DMD: variants seen among roughly 807,000 people sequenced by gnomAD.
DMD encodes the protein mutant dystrophin.
A neutral mutation model predicts 330.1 loss-of-function variants in DMD; 63 were observed. That is an observed-to-expected ratio of 0.19 (90% CI 0.16 to 0.24). DMD has a LOEUF of 0.24. Ranked by LOEUF, DMD falls within the 10% of genes least tolerant of loss-of-function variation. DMD has a pLI of 1.00. For synonymous variants in DMD, 1,223 were observed against 959.8 expected, an observed-to-expected ratio of 1.27 and a Z score of -5.07; for missense variants, 3,344 against 2,684.1, an observed-to-expected ratio of 1.25 and a Z score of -5.43.
At chrX:32,075,949 G>A in intron 44 of DMD, among the ~76,000 whole-genome samples, 1 of 101,432 alleles carries the variant, frequency 9.9e-6, no homozygotes, top group African/African-American at 3.6e-5. Flanking sequence ...CTGGAAGACA[G>A]AGGCAGGAGA....
At chrX:32,255,008 C>T (rs1403816192) in intron 43 of DMD, among the ~76,000 whole-genome samples, 1 of 111,725 alleles carries the variant, frequency 9.0e-6, no homozygotes, top group Non-Finnish European at 1.9e-5. Flanking sequence ...TTTCCCCTAC[C>T]CCTCCCTGGT....
chrX:31,204,140 G>T (rs1290247027), intron 66 of DMD, 22 bp from the exon 67 acceptor site: 1 of 1,204,001 alleles, frequency 8.3e-7, no homozygotes, highest in East Asian at 3.0e-5. Flanking sequence ...GAAGAAAATT[G>T]CAACAGTCAA....
At chrX:31,449,763 GATAT>G (rs59787771) in intron 59 of DMD, among the ~76,000 whole-genome samples, 3,169 of 62,263 alleles carry the variant, frequency 0.051, 110 homozygotes, top group Admixed American at 0.097. Context: ...TAAATGGTGT[GATAT>G]ATATATATAT....
At chrX:31,156,904 T>C (rs1307993705) in intron 74 of DMD, among the ~76,000 whole-genome samples, 1 of 111,624 alleles carries the variant, frequency 9.0e-6, no homozygotes, top group Non-Finnish European at 1.9e-5. Flanking sequence ...ACCTGAGTTC[T>C]AGCCCCTAGC....
At chrX:31,362,191 A>T (rs1403270998) in intron 60 of DMD, among the ~76,000 whole-genome samples, 1 of 112,336 alleles carries the variant, frequency 8.9e-6, no homozygotes, top group African/African-American at 3.2e-5. Context: ...TGCATGAGTA[A>T]AGGGCTAGTA....
intron 47 of DMD, among the ~76,000 whole-genome samples, chrX:31,891,875 C>A (rs959118446): frequency 8.9e-6 from 1 of 111,975 alleles, no homozygotes; most frequent in African/African-American, 3.2e-5. Flanking sequence ...TTGGTGAGTG[C>A]AGTACAGGGC....
At chrX:32,482,726 C>T (rs764672610) in intron 21 of DMD, among the ~76,000 whole-genome samples, 1 of 111,463 alleles carries the variant, frequency 9.0e-6, no homozygotes, top group African/African-American at 3.2e-5. Context: ...GTGTTTCTCT[C>T]TGAGGGTTAG....
chrX:31,440,358 A>T (rs886418108), intron 60 of DMD, among the ~76,000 whole-genome samples: 4 of 111,053 alleles, frequency 3.6e-5, no homozygotes, highest in African/African-American at 1.3e-4. Flanking sequence ...TGTGTTGGCC[A>T]GGCCGGTCTT....
At chrX:32,624,324 T>C (rs901396113) in intron 11 of DMD, among the ~76,000 whole-genome samples, 1 of 111,434 alleles carries the variant, frequency 9.0e-6, no homozygotes, top group African/African-American at 3.3e-5. Flanking sequence ...ACAGTAGGTA[T>C]AGGCAAAAGC....
chrX:32,500,141 C>T (rs150092363), intron 19 of DMD, among the ~76,000 whole-genome samples: 3 of 110,521 alleles, frequency 2.7e-5, no homozygotes, highest in East Asian at 2.8e-4. Context: ...CCCCTACCCC[C>T]CAGTGTTCCC....
At chrX:31,670,914 CT>C (rs751198197) in intron 53 of DMD, among the ~76,000 whole-genome samples, 6,400 of 96,508 alleles carry the variant, frequency 0.066, 519 homozygotes, top group African/African-American at 0.21. Flanking sequence ...ACAAAACCTT[CT>C]TTTTTTTTTT....
At chrX:32,184,626 G>A (rs182743217) in intron 44 of DMD, among the ~76,000 whole-genome samples, 1 of 111,255 alleles carries the variant, frequency 9.0e-6, no homozygotes, top group Admixed American at 9.6e-5. Flanking sequence ...TTCGGGTTCA[G>A]TTGAAAGCAA....
chrX:32,353,320 G>T (rs909231666), intron 37 of DMD, among the ~76,000 whole-genome samples: 1 of 111,435 alleles, frequency 9.0e-6, no homozygotes, highest in African/African-American at 3.2e-5. Context: ...TTGTAACTTG[G>T]AATTCTTATG....
chrX:32,900,461 A>C (rs886526481), intron 2 of DMD, among the ~76,000 whole-genome samples: 2 of 111,533 alleles, frequency 1.8e-5, no homozygotes, highest in African/African-American at 6.5e-5. Context: ...CAACTGCCTC[A>C]GCCTCCTGAG....
intron 2 of DMD, among the ~76,000 whole-genome samples, chrX:32,858,724 A>G (rs2149070419): frequency 9.0e-6 from 1 of 110,986 alleles, no homozygotes; most frequent in Non-Finnish European, 1.9e-5. Context: ...AATGTGCTAC[A>G]TTTAGCCTGT....
chrX:32,647,377 T>G (rs895958107), intron 9 of DMD, among the ~76,000 whole-genome samples: 1 of 111,613 alleles, frequency 9.0e-6, no homozygotes, highest in Admixed American at 9.6e-5. Context: ...ATGGCGTAAG[T>G]GTGTTATGTC....
intron 1 of DMD, among the ~76,000 whole-genome samples, chrX:33,317,231 G>A (rs995129055): frequency 3.6e-5 from 4 of 110,805 alleles, no homozygotes; most frequent in Non-Finnish European, 7.6e-5. Context: ...GAGATTAAGA[G>A]CTTAAATGGT....
At chrX:32,407,580 C>T (rs927702125) in intron 30 of DMD, among the ~76,000 whole-genome samples, 1 of 110,822 alleles carries the variant, frequency 9.0e-6, no homozygotes, top group East Asian at 2.9e-4. Context: ...CCTCAGGGAT[C>T]TAGAACTAGA....
intron 62 of DMD, among the ~76,000 whole-genome samples, chrX:31,274,750 T>G (rs1458216537): frequency 1.8e-5 from 2 of 112,634 alleles, no homozygotes; most frequent in Admixed American, 1.9e-4. Context: ...TATTAAGTTC[T>G]TTAAATAACT....
Sources: allele counts gnomAD v4.1 joint callset (sites outside exome capture counted in the v4.1 genomes callset), GRCh38; gene constraint gnomAD v4.1.1; transcripts MANE v1.5; gene names NCBI Gene and HGNC (gene_info 2026-07-23, HGNC 2026-07-21).